Variants in CFAP91 observed in about 807,000 individuals in gnomAD.
The protein encoded by CFAP91 is cilia and flagella associated protein 91.
A neutral mutation model predicts 95.9 loss-of-function variants in CFAP91; 85 were observed. The ratio of observed to expected loss-of-function variants is 0.89; its 90% CI spans 0.74 to 1.06. The LOEUF (loss-of-function observed/expected upper bound fraction) is 1.06. Among genes scored for constraint, CFAP91 ranks in the 50% least tolerant of loss-of-function variants. The pLI is 0.00. For synonymous variants in CFAP91, 335 were observed against 327.5 expected (o/e 1.02, Z -0.25); for missense variants, 962 against 943.4 (o/e 1.02, Z -0.26).
At chr3:119,708,798 C>A in intron 4 of CFAP91, 124 bp downstream of exon 4, 1 of 600,898 alleles carries the variant, frequency 1.7e-6, no homozygotes, top group Non-Finnish European at 3.0e-6. Context: ...AAGTGCTTTA[C>A]ATGCATATGA....
At chr3:119,738,763 A>G (rs375408605) in intron 11 of CFAP91, among the ~76,000 whole-genome samples, 38 of 152,246 alleles carry the variant, frequency 2.5e-4, no homozygotes, top group African/African-American at 7.9e-4. Context: ...TGCTTTGGAC[A>G]CAGAGTTTTT....
rs188314984 is a variant in CFAP91, at chr3:119,724,107, G to T, written c.683-2064G>T. Among the ~76,000 whole-genome samples, 813 of 150,294 alleles carry T rather than the reference G, an allele frequency of 5.4e-3. 2 individuals are homozygous for T. The highest frequency in any genetic ancestry group is 8.3e-3 in the Non-Finnish European group (566 of 67,834). ...CACTCGAACCTGGGAGGCAGAGGTT[G>T]CAGGGAGCCGAGATCGTGCCATTGC... On this transcript the variant is annotated intron_variant, in intron 6 of 17. Transcript: ENST00000273390.
chr3:119,753,245 A>C (rs1042355707), intron 17 of CFAP91, among the ~76,000 whole-genome samples: 2 of 152,136 alleles, frequency 1.3e-5, no homozygotes, highest in Non-Finnish European at 2.9e-5. Flanking sequence ...AAGCTTTGCA[A>C]AACAAGGGGG....
chr3:119,751,766 C>T (rs993841687), intron 17 of CFAP91, among the ~76,000 whole-genome samples: 16 of 152,110 alleles, frequency 1.1e-4, no homozygotes, highest in Middle Eastern at 3.2e-3. Context: ...AGGTTCACAC[C>T]GGGTGGGTAC....
chr3:119,708,615 T>C lies in CFAP91; in HGVS notation c.384T>C (p.Pro128=). 2 of 1,606,738 alleles carry C rather than the reference T, an allele frequency of 1.2e-6. No individual in the cohort carries two copies. ...LTTTDASFQM[P]KEVYEDPEVT... ...GAACTGACGCTTCTTTTCAGATGCC[T>C]AAAGAAGTTTATGAAGATCCTGAAG... Residue 128 remains proline (P), a synonymous_variant, in exon 4 of 18, where the codon CCT becomes CCC. Coordinates refer to ENST00000273390, the MANE Select transcript of CFAP91 (RefSeq NM_033364.4).
intron 10 of CFAP91, among the ~76,000 whole-genome samples, chr3:119,734,994 T>C (rs568208332): frequency 2.6e-5 from 4 of 152,278 alleles, no homozygotes; most frequent in Non-Finnish European, 5.9e-5. Context: ...TAAATTTTTT[T>C]TTATAAATTC....
chr3:119,713,510 T>C (rs1324215525), intron 5 of CFAP91, among the ~76,000 whole-genome samples: 1 of 152,030 alleles, frequency 6.6e-6, no homozygotes, highest in Non-Finnish European at 1.5e-5. Flanking sequence ...AATGGAAATA[T>C]CTCTTTGTTT....
intron 14 of CFAP91, among the ~76,000 whole-genome samples, chr3:119,746,153 A>G (rs1028700568): frequency 6.6e-6 from 1 of 152,214 alleles, no homozygotes; most frequent in Non-Finnish European, 1.5e-5. Flanking sequence ...TAGCAAAATT[A>G]TAGAGAAAAG....
intron 17 of CFAP91, among the ~76,000 whole-genome samples, chr3:119,763,865 G>T (rs186660638): frequency 2.0e-5 from 3 of 152,026 alleles, no homozygotes; most frequent in Non-Finnish European, 4.4e-5. Flanking sequence ...TTGGTCAAAG[G>T]ATACAAAATT....
chr3:119,718,944 C>T (rs542668939), intron 6 of CFAP91, among the ~76,000 whole-genome samples: 20 of 151,110 alleles, frequency 1.3e-4, no homozygotes, highest in South Asian at 1.0e-3. Flanking sequence ...ATTCTGCTAA[C>T]GGAAATGCAT....
chr3:119,713,630 A>G (rs949394054), intron 5 of CFAP91, among the ~76,000 whole-genome samples: 2 of 152,010 alleles, frequency 1.3e-5, no homozygotes, highest in Non-Finnish European at 2.9e-5. Context: ...TCTAGAGGCA[A>G]TGCATGTACA....
chr3:119,734,830 G>C (rs1263423449), intron 10 of CFAP91, among the ~76,000 whole-genome samples: 1 of 152,020 alleles, frequency 6.6e-6, no homozygotes, highest in Non-Finnish European at 1.5e-5. Context: ...CTTTTTTTGA[G>C]AAGAGTTTAA....
intron 13 of CFAP91, among the ~76,000 whole-genome samples, chr3:119,741,457 A>G (rs917757572): frequency 2.0e-5 from 3 of 152,202 alleles, no homozygotes; most frequent in Non-Finnish European, 2.9e-5. Context: ...TAAATGTGTT[A>G]CTGTTTCATG....
chr3:119,726,178 T>G lies in CFAP91; in HGVS notation c.690T>G (p.Gly230=). ...TGCTGCTTTATCCTGCAGGTCGGGG[T>G]CTCCCAGCAGGACAAGCTGAGGTGG... ...LTLATLTWGR[G]LPAGQAEVEM... The change falls in exon 7 of 18, where the codon GGT becomes GGG. Residue 230 remains glycine (G), a synonymous_variant. Coordinates refer to ENST00000273390, the MANE Select transcript of CFAP91 (RefSeq NM_033364.4). 1.9e-6 allele frequency: 3 copies of G among 1,608,866 alleles called. No homozygotes were observed. The highest frequency in any genetic ancestry group is 2.5e-6 in the Non-Finnish European group (3 of 1,177,982).
intron 6 of CFAP91, among the ~76,000 whole-genome samples, chr3:119,718,367 G>A (rs1191850820): frequency 6.6e-6 from 1 of 152,170 alleles, no homozygotes; most frequent in African/African-American, 2.4e-5. Context: ...GAGCAAATTA[G>A]TGAAATGACA....
At position 119,746,620 on chromosome 3, in the gene CFAP91, A is replaced by G. The variant is rs548688947; in HGVS notation, c.1903-495A>G. On this transcript the variant is annotated intron_variant, in intron 14 of 17. Coordinates refer to ENST00000273390, the MANE Select transcript of CFAP91 (RefSeq NM_033364.4). The stretch of plus-strand genomic sequence containing the variant: ...TCCTTTCTTTGGTCAGAACGTGGTC[A>G]TATGGGCAATCCAGCTCCTGTGGGT... Among the ~76,000 whole-genome samples the G allele has an allele frequency of 1.6e-3, 248 of 152,344 alleles. 2 individuals are homozygous for G. Among genetic ancestry groups the G allele is most frequent in the Middle Eastern group, 3.4e-3 (1 of 294 alleles).
chr3:119,749,168 T>C (rs1206454653), intron 16 of CFAP91: 1 of 152,164 alleles, frequency 6.6e-6, no homozygotes, highest in Non-Finnish European at 1.5e-5. Flanking sequence ...TCAAAGCCAT[T>C]ACACCCTTGG....
intron 1 of CFAP91, among the ~76,000 whole-genome samples, chr3:119,705,595 CA>C (rs1158812746): frequency 6.6e-6 from 1 of 152,168 alleles, no homozygotes; most frequent in Non-Finnish European, 1.5e-5. Context: ...CCTTACATGC[CA>C]CCTTCTCAAG....
At chr3:119,731,019 T>A (rs1379537898) in intron 8 of CFAP91, among the ~76,000 whole-genome samples, 1 of 152,144 alleles carries the variant, frequency 6.6e-6, no homozygotes, top group African/African-American at 2.4e-5. Flanking sequence ...GGAGGATTGC[T>A]TAAGGCTAGA....
Sources: gnomAD v4.1 joint callset for allele counts (sites outside exome capture counted in the v4.1 genomes callset) on GRCh38, gnomAD v4.1.1 for gene constraint, MANE v1.5 for transcripts, NCBI Gene and HGNC (gene_info 2026-07-23, HGNC 2026-07-21) for gene names.